NXPH1: variants seen among roughly 807,000 people sequenced by gnomAD.
NXPH1 encodes the protein neurexophilin 1, also known as neurexophilin-1.
Under a neutral mutation model 23.7 loss-of-function variants are expected in NXPH1, and 5 were observed. The ratio of observed to expected loss-of-function variants is 0.21; its 90% CI spans 0.11 to 0.44. NXPH1 has a LOEUF of 0.44. Ranked by LOEUF, NXPH1 falls within the 20% of genes least tolerant of loss-of-function variation. The pLI is 0.99. For missense variants in NXPH1, 324 were observed against 321.6 expected (o/e 1.01, Z -0.06); for synonymous variants, 144 against 122.2 (o/e 1.18, Z -1.18).
rs992102904 is a variant in NXPH1 at position 8,464,018 on chromosome 7, TTCC to T, written c.54+28262_54+28264del. 3.5e-3 allele frequency among the ~76,000 whole-genome samples: 532 copies of T among 152,246 alleles called. 4 individuals carry two copies. The highest frequency in any genetic ancestry group is 0.012 in the African/African-American group (513 of 41,556). On this transcript the variant is annotated intron_variant, in intron 2 of 2. Transcript: ENST00000405863. ...TATGTTCCCAGAGACGTCTCTCCTCTTCCTCCTCCTCCTTTTCTTTGTTCTCTA... is the reference window on the plus strand; with the variant it reads ...TATGTTCCCAGAGACGTCTCTCCTCTTCCTCCTCCTTTTCTTTGTTCTCTA...
At position 8,559,319 on chromosome 7, in the gene NXPH1, A is replaced by G. The variant is rs146667453; in HGVS notation, c.54+123552A>G. ...AAAAGTCTTAATTTGATTGAAAAAG[A>G]AAAGTCCTTTCTTTCTTCTGTCACC... On this transcript the variant is annotated intron_variant, in intron 2 of 2. Transcript: ENST00000405863. Among the ~76,000 whole-genome samples, 596 of 151,804 alleles carry G rather than the reference A, an allele frequency of 3.9e-3. 6 individuals are homozygous for G. The highest frequency in any genetic ancestry group is 0.014 in the African/African-American group (569 of 41,488).
intron 2 of NXPH1, among the ~76,000 whole-genome samples, chr7:8,601,139 A>T (rs1267814795): frequency 6.6e-6 from 1 of 152,158 alleles, no homozygotes; most frequent in Admixed American, 6.5e-5. Context: ...AATGCCCCTC[A>T]GATACCGAGG....
chr7:8,670,986 C>T (rs1201019645), intron 2 of NXPH1, among the ~76,000 whole-genome samples: 1 of 152,130 alleles, frequency 6.6e-6, no homozygotes, highest in African/African-American at 2.4e-5. Flanking sequence ...CCTGAGTCAT[C>T]GTCATGTTCT....
intron 2 of NXPH1, among the ~76,000 whole-genome samples, chr7:8,464,778 A>G (rs1233937288): frequency 1.3e-5 from 2 of 152,036 alleles, no homozygotes; most frequent in African/African-American, 2.4e-5. Context: ...CTTGAATACT[A>G]TTATTGATAG....
At chr7:8,574,931 C>G (rs1198939088) in intron 2 of NXPH1, among the ~76,000 whole-genome samples, 1 of 152,072 alleles carries the variant, frequency 6.6e-6, no homozygotes, top group African/African-American at 2.4e-5. Flanking sequence ...AATAGCAATT[C>G]AAGTAGTTTT....
intron 2 of NXPH1, among the ~76,000 whole-genome samples, chr7:8,620,309 A>C (rs1336062212): frequency 6.6e-6 from 1 of 152,086 alleles, no homozygotes; most frequent in Non-Finnish European, 1.5e-5. Flanking sequence ...ATATATATTT[A>C]CCTCCAAGGA....
rs185682673 is a variant in NXPH1 at position 8,735,436 on chromosome 7, T to C, written c.55-15572T>C. ...TTGGTTATGTTTATGTACTGTATTA[T>C]GTTTACTGATTTGTGTATGTTGAAC... On this transcript the variant is annotated intron_variant, in intron 2 of 2. Coordinates refer to ENST00000405863, the MANE Select transcript of NXPH1 (RefSeq NM_152745.3). Among the ~76,000 whole-genome samples, 33 of 152,334 alleles carry C rather than the reference T, an allele frequency of 2.2e-4. No individual in the cohort carries two copies. The Middle Eastern group carries it at 0.02, about 94-fold the overall frequency.
At chr7:8,438,053 A>G (rs1211275909) in intron 2 of NXPH1, among the ~76,000 whole-genome samples, 1 of 152,226 alleles carries the variant, frequency 6.6e-6, no homozygotes, top group Non-Finnish European at 1.5e-5. Context: ...AATCCCATGG[A>G]TATTTGCCAG....
chr7:8,591,465 G>T (rs929084965), intron 2 of NXPH1, among the ~76,000 whole-genome samples: 1 of 151,906 alleles, frequency 6.6e-6, no homozygotes, highest in African/African-American at 2.4e-5. Context: ...TTCTCAAGCT[G>T]GGCTGGAAAT....
intron 2 of NXPH1, among the ~76,000 whole-genome samples, chr7:8,481,902 T>C: frequency 6.6e-6 from 1 of 152,184 alleles, no homozygotes; most frequent in East Asian, 1.9e-4. Context: ...AGTTCTTGCA[T>C]AGATCACACT....
chr7:8,523,910 G>A (rs1584210295), intron 2 of NXPH1, among the ~76,000 whole-genome samples: 1 of 152,064 alleles, frequency 6.6e-6, no homozygotes, highest in African/African-American at 2.4e-5. Context: ...AATCAAGCGT[G>A]AGAGAAAACA....
chr7:8,750,418 T>C (rs1263735793), intron 2 of NXPH1, among the ~76,000 whole-genome samples: 1 of 152,172 alleles, frequency 6.6e-6, no homozygotes, highest in African/African-American at 2.4e-5. Context: ...GCCGCACCTA[T>C]TGACCCGTTC....
rs1444305403 is a variant in NXPH1, at chr7:8,505,558, A to AT, written c.54+69797dup. On this transcript the variant is annotated intron_variant, in intron 2 of 2. Transcript: ENST00000405863. ...AAAAGAAAAACAGTCTTAAAATCAC[A>AT]TTTTTTATATTAGCAAATCTAAATC... is the stretch of plus-strand genomic sequence containing the variant. Among the ~76,000 whole-genome samples the AT allele has an allele frequency of 3.3e-5, 5 of 152,148 alleles. No individual in the cohort carries two copies. In the East Asian group the frequency reaches 7.8e-4, roughly 24 times the overall value.
At chr7:8,491,125 C>T (rs548459613) in intron 2 of NXPH1, among the ~76,000 whole-genome samples, 2 of 152,082 alleles carry the variant, frequency 1.3e-5, no homozygotes, top group Admixed American at 6.6e-5. Flanking sequence ...TTATTATCCT[C>T]TGAAAATGTA....
intron 2 of NXPH1, among the ~76,000 whole-genome samples, chr7:8,609,320 C>T (rs376237426): frequency 3.3e-5 from 5 of 152,122 alleles, no homozygotes; most frequent in East Asian, 3.9e-4. Flanking sequence ...AGGCACTATA[C>T]GTAAGGGCTT....
chr7:8,592,890 T>A (rs1467807972), intron 2 of NXPH1, among the ~76,000 whole-genome samples: 1 of 151,534 alleles, frequency 6.6e-6, no homozygotes, highest in African/African-American at 2.4e-5. Flanking sequence ...AGCTCACAGG[T>A]CATACAAAAA....
chr7:8,576,966 T>C (rs1446040060), intron 2 of NXPH1, among the ~76,000 whole-genome samples: 2 of 152,112 alleles, frequency 1.3e-5, no homozygotes, highest in Non-Finnish European at 2.9e-5. Context: ...TTTACAAATA[T>C]TTACTCAAGC....
intron 2 of NXPH1, among the ~76,000 whole-genome samples, chr7:8,597,719 G>A (rs1489479097): frequency 1.7e-5 from 2 of 120,954 alleles, no homozygotes; most frequent in Non-Finnish European, 3.4e-5. Flanking sequence ...GGGGGCGGGG[G>A]GGCAGTGTGG....
intron 2 of NXPH1, among the ~76,000 whole-genome samples, chr7:8,718,962 C>G (rs1385100992): frequency 1.3e-5 from 2 of 152,136 alleles, no homozygotes. Context: ...ATGCCATCAA[C>G]CCAGACTTGA....
Sources: allele counts gnomAD v4.1 joint callset (sites outside exome capture counted in the v4.1 genomes callset), GRCh38; gene constraint gnomAD v4.1.1; transcripts MANE v1.5; gene names NCBI Gene and HGNC (gene_info 2026-07-23, HGNC 2026-07-21).